The following DACH1 variants were observed in gnomAD, a reference collection of about 807,000 sequenced individuals.
DACH1 encodes dachshund homolog 1.
In DACH1, 12 loss-of-function variants were observed where a neutral mutation model predicts 54.2. That is an observed-to-expected ratio of 0.22 (90% CI 0.14 to 0.36). The LOEUF is 0.36. Among genes scored for constraint, DACH1 ranks in the 10% least tolerant of loss-of-function variants. The pLI, the probability that DACH1 is intolerant of heterozygous loss-of-function variation, is 1.00. For synonymous variants in DACH1, 386 were observed against 366.2 expected, an observed-to-expected ratio of 1.05 and a Z score of -0.62; for missense variants, 805 against 929.8, an observed-to-expected ratio of 0.87 and a Z score of 1.75.
chr13:71,787,284 G>T (rs1886631630), intron 1 of DACH1, among the ~76,000 whole-genome samples: 1 of 152,130 alleles, frequency 6.6e-6, no homozygotes, highest in African/African-American at 2.4e-5. Flanking sequence ...ATAAAATCAA[G>T]ATCTCTAAGT....
At chr13:71,757,437 C>T (rs1885213737) in intron 1 of DACH1, among the ~76,000 whole-genome samples, 1 of 151,914 alleles carries the variant, frequency 6.6e-6, no homozygotes, top group Non-Finnish European at 1.5e-5. Context: ...TCTGTAGGGA[C>T]CATTTTTCCT....
At chr13:71,823,062 T>C (rs1888252503) in intron 1 of DACH1, among the ~76,000 whole-genome samples, 1 of 152,112 alleles carries the variant, frequency 6.6e-6, no homozygotes, top group South Asian at 2.1e-4. Context: ...CCTGACTCAT[T>C]ATTTTCTATA....
At chr13:71,478,704 C>T (rs1250432829) in intron 8 of DACH1, among the ~76,000 whole-genome samples, 1 of 152,090 alleles carries the variant, frequency 6.6e-6, no homozygotes, top group Non-Finnish European at 1.5e-5. Flanking sequence ...AAACATTTAA[C>T]TTTGGTCATT....
chr13:71,529,135 T>C (rs571773329), intron 6 of DACH1, among the ~76,000 whole-genome samples: 2 of 152,016 alleles, frequency 1.3e-5, no homozygotes, highest in East Asian at 1.9e-4. Context: ...GTATTAATGT[T>C]ACTGTTATGT....
intron 6 of DACH1, among the ~76,000 whole-genome samples, chr13:71,505,228 G>A (rs1880217709): frequency 6.6e-6 from 1 of 151,994 alleles, no homozygotes; most frequent in African/African-American, 2.4e-5. Context: ...AATTACAGGT[G>A]TGTGCCACCA....
intron 1 of DACH1, among the ~76,000 whole-genome samples, chr13:71,865,546 C>A (rs1236403531): frequency 6.6e-6 from 1 of 152,120 alleles, no homozygotes; most frequent in African/African-American, 2.4e-5. Flanking sequence ...CGGACAGCAG[C>A]GCTGAGAGGG....
intron 1 of DACH1, among the ~76,000 whole-genome samples, chr13:71,684,061 A>T (rs1881039850): frequency 6.6e-6 from 1 of 151,946 alleles, no homozygotes; most frequent in Non-Finnish European, 1.5e-5. Context: ...ATATACTCAA[A>T]TATTATCTTT....
At chr13:71,858,620 T>A (rs1306403595) in intron 1 of DACH1, among the ~76,000 whole-genome samples, 1 of 151,658 alleles carries the variant, frequency 6.6e-6, no homozygotes, top group Non-Finnish European at 1.5e-5. Context: ...TTGTACAACA[T>A]TTTCTTCCTA....
chr13:71,813,315 T>C (rs961026231), intron 1 of DACH1, among the ~76,000 whole-genome samples: 8 of 152,194 alleles, frequency 5.3e-5, no homozygotes, highest in African/African-American at 1.7e-4. Flanking sequence ...TACTATTCTA[T>C]GTTTAGGATA....
chr13:71,766,924 T>C (rs1362511388), intron 1 of DACH1, among the ~76,000 whole-genome samples: 1 of 151,752 alleles, frequency 6.6e-6, no homozygotes, highest in East Asian at 1.9e-4. Flanking sequence ...CTTGCAGATA[T>C]ATGTGAAAAA....
intron 1 of DACH1, among the ~76,000 whole-genome samples, chr13:71,719,743 T>TA (rs1443054559): frequency 6.6e-6 from 1 of 152,048 alleles, no homozygotes; most frequent in Non-Finnish European, 1.5e-5. Flanking sequence ...CATGAACCTG[T>TA]AGTCCCAGCT....
Position 71,583,747 on chromosome 13 carries a change from G to A in DACH1, c.1127-10735C>T, listed in dbSNP as rs149497069. On this transcript the variant is annotated intron_variant, in intron 3 of 10. Transcript: ENST00000613252. ...TCCCAGCTACTTGGGAGGCAGGAGCGTTGCTTGAGCCTGGGAGGCAGAGGC... is the reference window on the plus strand; with the variant it reads ...TCCCAGCTACTTGGGAGGCAGGAGCATTGCTTGAGCCTGGGAGGCAGAGGC... Among the ~76,000 whole-genome samples, 382 of 152,058 alleles carry A rather than the reference G, an allele frequency of 2.5e-3. 2 individuals carry two copies. Among genetic ancestry groups the A allele is most frequent in the African/African-American group, 7.8e-3 (323 of 41,516 alleles).
chr13:71,549,138 G>A (rs1170857748), intron 6 of DACH1, among the ~76,000 whole-genome samples: 1 of 151,844 alleles, frequency 6.6e-6, no homozygotes, highest in African/African-American at 2.4e-5. Flanking sequence ...AATTCATTAA[G>A]CCAAATAATA....
At chr13:71,672,431 A>C (rs1422355744) in intron 2 of DACH1, among the ~76,000 whole-genome samples, 4 of 152,108 alleles carry the variant, frequency 2.6e-5, no homozygotes, top group Non-Finnish European at 5.9e-5. Context: ...TTACATCTTT[A>C]CAAAGGACAG....
intron 1 of DACH1, among the ~76,000 whole-genome samples, chr13:71,708,261 G>T (rs1882542856): frequency 6.6e-6 from 1 of 152,098 alleles, no homozygotes; most frequent in South Asian, 2.1e-4. Context: ...TCAAATTAAA[G>T]TCTGGTATTA....
chr13:71,521,579 C>T (rs1364879936), intron 6 of DACH1, among the ~76,000 whole-genome samples: 1 of 151,970 alleles, frequency 6.6e-6, no homozygotes. Flanking sequence ...AACTGTTATT[C>T]CTATATGGTT....
At chr13:71,770,697 T>C (rs1885815518) in intron 1 of DACH1, among the ~76,000 whole-genome samples, 1 of 151,650 alleles carries the variant, frequency 6.6e-6, no homozygotes, top group African/African-American at 2.4e-5. Context: ...AAAGTAGGTG[T>C]TGTTTTCATT....
At chr13:71,482,424 C>T (rs1479528282) in intron 7 of DACH1, among the ~76,000 whole-genome samples, 2 of 152,120 alleles carry the variant, frequency 1.3e-5, no homozygotes, top group Non-Finnish European at 2.9e-5. Flanking sequence ...ATTTCAGAAT[C>T]AGACAATATC....
At chr13:71,859,661 C>T (rs1234267687) in intron 1 of DACH1, among the ~76,000 whole-genome samples, 1 of 151,786 alleles carries the variant, frequency 6.6e-6, no homozygotes, top group Non-Finnish European at 1.5e-5. Context: ...ATAGGTGTAA[C>T]AAATAAAGTA....
Sources: gnomAD v4.1 joint callset for allele counts (sites outside exome capture counted in the v4.1 genomes callset) on GRCh38, gnomAD v4.1.1 for gene constraint, MANE v1.5 for transcripts, NCBI Gene and HGNC (gene_info 2026-07-23, HGNC 2026-07-21) for gene names.